Variants in ZNF451 observed in about 807,000 individuals in gnomAD.
ZNF451 encodes the protein E3 SUMO-protein ligase ZNF451.
Under a neutral mutation model 107.1 loss-of-function variants are expected in ZNF451, and 80 were observed. That is an observed-to-expected ratio of 0.75 (90% CI 0.62 to 0.90). The LOEUF is 0.90. Ranked by LOEUF, ZNF451 falls within the 40% of genes least tolerant of loss-of-function variation. ZNF451 has a pLI of 0.00. For missense variants in ZNF451, 1,107 were observed against 1,236.2 expected (o/e 0.90, Z 1.57); for synonymous variants, 362 against 406.5 (o/e 0.89, Z 1.32).
chr6:57,124,427 A>G, intron 3 of ZNF451: 1 of 715,858 alleles, frequency 1.4e-6, no homozygotes, highest in Non-Finnish European at 2.6e-6. Flanking sequence ...CTCCAATTTT[A>G]GGGGTCGGCG....
At position 57,134,793 on chromosome 6, in the gene ZNF451, T is replaced by C. The variant is rs753080140; in HGVS notation, c.625T>C (p.Phe209Leu). The change falls in exon 7 of 15, where the codon TTC (phenylalanine) becomes CTC (leucine). Residue 209 changes from phenylalanine to leucine, a missense_variant. Physicochemically the swap from Phe to Leu is conservative, Grantham distance 22 (BLOSUM62 0). This residue lies in a region of ZNF451 where 339 missense variants were observed against 372.8 expected (regional missense o/e 0.91). Transcript: ENST00000370706. ...DPTITLHGPF[F>L]SSFACVVCYK... is the part of the protein sequence containing the mutation. ...AACAATTACACTACATGGACCTTTC[T>C]TCAGCTCCTTTGCTTGTGTAGTATG... 3.1e-6 allele frequency: 5 copies of C among 1,613,226 alleles called. No homozygotes were observed. Among genetic ancestry groups the C allele is most frequent in the Non-Finnish European group, 4.2e-6 (5 of 1,179,640 alleles).
At chr6:57,102,982 G>C (rs1199795195) in intron 3 of ZNF451, 2 of 985,224 alleles carry the variant, frequency 2.0e-6, no homozygotes, top group African/African-American at 3.5e-5. Context: ...ACTGTAAGCT[G>C]GGCCTTTCAC....
chr6:57,154,819 T>G (rs937796716), intron 13 of ZNF451, among the ~76,000 whole-genome samples: 4 of 152,206 alleles, frequency 2.6e-5, no homozygotes, highest in Admixed American at 6.5e-5. Context: ...ATGAATTACC[T>G]TAATGAAAAA....
At chr6:57,165,040 T>G (rs1374506966) in intron 14 of ZNF451, 1 of 152,178 alleles carries the variant, frequency 6.6e-6, no homozygotes, top group South Asian at 2.1e-4. Flanking sequence ...TAGGAATAGT[T>G]TTGTCAGATA....
chr6:57,100,366 A>G (rs1193091819), intron 3 of ZNF451, among the ~76,000 whole-genome samples: 5 of 152,164 alleles, frequency 3.3e-5, no homozygotes, highest in Non-Finnish European at 4.4e-5. Context: ...TTTCATAAAC[A>G]GAGTCCCAGA....
intron 9 of ZNF451, 45 bp from the exon 10 acceptor site, chr6:57,147,045 G>T: frequency 6.6e-7 from 1 of 1,513,382 alleles, no homozygotes; most frequent in Non-Finnish European, 8.9e-7. Flanking sequence ...GGTATATTTA[G>T]AAAATACTTC....
chr6:57,145,715 T>G (rs1234942756), intron 9 of ZNF451, among the ~76,000 whole-genome samples: 2 of 152,180 alleles, frequency 1.3e-5, no homozygotes, highest in South Asian at 2.1e-4. Flanking sequence ...GACACTTAGG[T>G]TGATTCCATT....
In ZNF451 at chr6:57,099,046, C is replaced by T; in HGVS notation, c.106-15C>T. The T allele has an allele frequency of 6.2e-7, 1 of 1,608,548 alleles. No individual in the cohort carries two copies. The highest frequency in any genetic ancestry group is 8.5e-7 in the Non-Finnish European group (1 of 1,175,340). ...TAACTGTTAATGACTTCTAAATTTGCTTGATTGTTTATAGGAAGGACCATT... is the reference window on the plus strand; with the variant it reads ...TAACTGTTAATGACTTCTAAATTTGTTTGATTGTTTATAGGAAGGACCATT... On this transcript the variant is annotated splice_polypyrimidine_tract_variant and intron_variant, in intron 2 of 14. Transcript: ENST00000370706.
At chr6:57,138,733 A>ATGTGTGTGTGTG (rs1424146625) in intron 7 of ZNF451, among the ~76,000 whole-genome samples, 3 of 111,056 alleles carry the variant, frequency 2.7e-5, no homozygotes, top group Admixed American at 9.4e-5. Context: ...ATATATATAT[A>ATGTGTGTGTGTG]TATATATATG....
intron 13 of ZNF451, among the ~76,000 whole-genome samples, chr6:57,157,756 T>C (rs1451239641): frequency 1.3e-5 from 2 of 152,206 alleles, no homozygotes; most frequent in African/African-American, 4.8e-5. Context: ...AGAAGCCAGG[T>C]AGACTTTCTT....
chr6:57,101,739 A>G, intron 3 of ZNF451: 1 of 1,550,598 alleles, frequency 6.4e-7, no homozygotes, highest in Non-Finnish European at 8.7e-7. Flanking sequence ...CTAGGGACAT[A>G]ATGGACTCTG....
chr6:57,152,395 C>G (rs1832393003), intron 12 of ZNF451, 44 bp downstream of exon 12: 3 of 1,609,130 alleles, frequency 1.9e-6, no homozygotes, highest in Non-Finnish European at 2.5e-6. Flanking sequence ...ATCTCAGACC[C>G]ACTTGCATTT....
intron 3 of ZNF451, chr6:57,100,893 C>T: frequency 6.4e-7 from 1 of 1,550,484 alleles, no homozygotes; most frequent in South Asian, 1.2e-5. Flanking sequence ...AATCTTTGGC[C>T]TCTTCTGAGG....
At chr6:57,119,895 G>T (rs924716741) in intron 3 of ZNF451, among the ~76,000 whole-genome samples, 2 of 148,642 alleles carry the variant, frequency 1.3e-5, no homozygotes, top group Non-Finnish European at 3.0e-5. Flanking sequence ...TTTATAAGTT[G>T]TCCACTTTGC....
At chr6:57,157,276 T>G (rs1454449543) in intron 13 of ZNF451, among the ~76,000 whole-genome samples, 1 of 152,216 alleles carries the variant, frequency 6.6e-6, no homozygotes. Flanking sequence ...TGAATATTGT[T>G]ATCAGAATCG....
intron 13 of ZNF451, chr6:57,154,403 T>G (rs1763298949): frequency 2.4e-6 from 1 of 409,730 alleles, no homozygotes; most frequent in South Asian, 4.6e-5. Context: ...TTCAGTTTTT[T>G]AGAAAGCAGT....
chr6:57,105,880 TAC>T (rs1829829528), intron 3 of ZNF451: 1 of 984,414 alleles, frequency 1.0e-6, no homozygotes. Context: ...TCAGTATAAT[TAC>T]ATTTAAACTT....
chr6:57,118,733 C>G (rs908696766), intron 3 of ZNF451, among the ~76,000 whole-genome samples: 1 of 152,174 alleles, frequency 6.6e-6, no homozygotes, highest in South Asian at 2.1e-4. Context: ...AACCTCCTGC[C>G]TCAGCTCCCA....
intron 14 of ZNF451, among the ~76,000 whole-genome samples, chr6:57,167,799 T>C (rs895489240): frequency 1.1e-4 from 17 of 152,192 alleles, no homozygotes; most frequent in Non-Finnish European, 2.2e-4. Context: ...ATAACGTCTG[T>C]CTTGTTCACT....
Sources: gnomAD v4.1 joint callset for allele counts (sites outside exome capture counted in the v4.1 genomes callset) on GRCh38, gnomAD v4.1.1 for gene constraint, gnomAD v4.1.1 regional missense constraint, MANE v1.5 for transcripts, NCBI Gene and HGNC (gene_info 2026-07-23, HGNC 2026-07-21) for gene names.